FAM107B: variants seen among roughly 807,000 people sequenced by gnomAD.
FAM107B encodes the protein family with sequence similarity 107 member B.
Under a neutral mutation model 31.5 loss-of-function variants are expected in FAM107B, and 21 were observed. That is an observed-to-expected ratio of 0.67 (90% CI 0.47 to 0.96). The LOEUF (loss-of-function observed/expected upper bound fraction) is 0.96, where lower values mean the gene tolerates loss of function less well. Among genes scored for constraint, FAM107B ranks in the 40% least tolerant of loss-of-function variants. The probability of loss-of-function intolerance (pLI) is 0.00; values close to 1 mark genes in which losing one functional copy is unlikely to be tolerated. For missense variants in FAM107B, 452 were observed against 377.1 expected (o/e 1.20, Z -1.64); for synonymous variants, 157 against 141.5 (o/e 1.11, Z -0.78).
chr10:14,561,661 AT>A (rs1351833614), intron 2 of FAM107B, among the ~76,000 whole-genome samples: 8 of 152,360 alleles, frequency 5.3e-5, no homozygotes, highest in Middle Eastern at 3.4e-3. Flanking sequence ...AACACTCCTC[AT>A]TCCTTATTTA....
At chr10:14,619,294 A>G (rs1852934739) in intron 2 of FAM107B, among the ~76,000 whole-genome samples, 1 of 152,228 alleles carries the variant, frequency 6.6e-6, no homozygotes, top group East Asian at 1.9e-4. Flanking sequence ...CAAAGTGCCC[A>G]TATTGACGTT....
chr10:14,691,673 C>G (rs1464135876), intron 1 of FAM107B, among the ~76,000 whole-genome samples: 1 of 152,074 alleles, frequency 6.6e-6, no homozygotes, highest in Non-Finnish European at 1.5e-5. Context: ...GCGGTTGGAT[C>G]ACTTGAGGTC....
chr10:14,665,562 T>C (rs1013245024), intron 2 of FAM107B, among the ~76,000 whole-genome samples: 1 of 152,346 alleles, frequency 6.6e-6, no homozygotes, highest in South Asian at 2.1e-4. Context: ...TGAATTTGCA[T>C]TGATGCAGCA....
rs985180810 is a variant in FAM107B, at chr10:14,772,034, T to C, written c.411+2219A>G. On this transcript the variant is annotated intron_variant, in intron 1 of 4. Transcript: ENST00000181796. ...ATGTCTTACCCTCTTTAAGCATCCA[T>C]GCCCTCCTCTGTAACATGGGCACCA... 3.9e-5 allele frequency among the ~76,000 whole-genome samples: 6 copies of C among 152,296 alleles called. No individual in the cohort carries two copies. In the East Asian group the frequency reaches 7.7e-4, roughly 20 times the overall value.
At chr10:14,665,020 G>T (rs554539922) in intron 2 of FAM107B, among the ~76,000 whole-genome samples, 1 of 152,104 alleles carries the variant, frequency 6.6e-6, no homozygotes, top group Non-Finnish European at 1.5e-5. Context: ...CAAAGTCTGC[G>T]GACCCAAGCA....
intron 2 of FAM107B, among the ~76,000 whole-genome samples, chr10:14,627,241 T>C (rs1853188734): frequency 6.6e-6 from 1 of 152,226 alleles, no homozygotes; most frequent in African/African-American, 2.4e-5. Context: ...CTTAAAGTAT[T>C]GCAATCTGAT....
intron 2 of FAM107B, among the ~76,000 whole-genome samples, chr10:14,618,026 A>G (rs181152763): frequency 7.5e-4 from 115 of 152,318 alleles, no homozygotes; most frequent in African/African-American, 2.4e-3. Flanking sequence ...CACAATTATC[A>G]TAGGGAATAT....
intron 1 of FAM107B, among the ~76,000 whole-genome samples, chr10:14,739,228 G>C (rs1251080413): frequency 1.3e-5 from 2 of 152,226 alleles, no homozygotes; most frequent in Non-Finnish European, 2.9e-5. Flanking sequence ...AGGAGAAGCA[G>C]CCTCCATCGC....
At chr10:14,662,745 C>G (rs2131466724) in intron 2 of FAM107B, among the ~76,000 whole-genome samples, 1 of 152,202 alleles carries the variant, frequency 6.6e-6, no homozygotes, top group East Asian at 1.9e-4. Flanking sequence ...GAGTGCATGC[C>G]CTTCTGATGA....
Position 14,521,298 on chromosome 10 carries a change from A to T in FAM107B, c.813T>A (p.Leu271=), listed in dbSNP as rs374866652. Residue 271 remains leucine, a synonymous_variant, in exon 5 of 5, where the codon CTT becomes CTA. Coordinates refer to ENST00000181796, the MANE Select transcript of FAM107B (RefSeq NM_031453.4). Reference sequence around the variant, plus strand: ...GCTCTTCTTGCAATTTCTGCTTCTCAAGTTCAAGCTAAATGACATTCAGAA... The same window carrying T: ...GCTCTTCTTGCAATTTCTGCTTCTCTAGTTCAAGCTAAATGACATTCAGAA... The part of the protein sequence containing the change: ...KRQQKLEQLE[L]EKQKLQEEQE... The T allele has an allele frequency of 6.8e-6, 11 of 1,613,846 alleles. No homozygotes were observed. The African/African-American group carries it at 1.1e-4, about 16-fold the overall frequency.
rs1485447567 is a variant in FAM107B, at chr10:14,681,526, G to GA, written c.412-13836dup. Among the ~76,000 whole-genome samples, 12 of 152,274 alleles carry GA rather than the reference G, an allele frequency of 7.9e-5. No individual in the cohort carries two copies. In the South Asian group the frequency reaches 1.0e-3, roughly 13 times the overall value. On this transcript the variant is annotated intron_variant, in intron 1 of 4. Transcript: ENST00000181796. ...CTACATCCATATACAGGGTTTCAGA[G>GA]AAATACTGACTGTTCCATCTTGGGT...
chr10:14,526,378 G>A lies in FAM107B; in HGVS notation c.653+3954C>T, dbSNP rs113170788. On this transcript the variant is annotated intron_variant, in intron 3 of 4. Coordinates refer to ENST00000181796, the MANE Select transcript of FAM107B (RefSeq NM_031453.4). ...TTTAGTAGAGATGGGGTTGCGCCAT[G>A]TTGGCCAGGCTGCTCTCAAACTCCT... 2.1e-3 allele frequency among the ~76,000 whole-genome samples: 316 copies of A among 152,310 alleles called. 2 individuals are homozygous for A. The highest frequency in any genetic ancestry group is 7.1e-3 in the African/African-American group (295 of 41,574).
intron 1 of FAM107B, among the ~76,000 whole-genome samples, chr10:14,761,786 G>C (rs112984133): frequency 9.9e-5 from 15 of 151,754 alleles, no homozygotes; most frequent in Non-Finnish European, 1.8e-4. Flanking sequence ...TTAGTAGAGG[G>C]GGGGGTTTCA....
At chr10:14,677,432 T>C (rs1241758472) in intron 1 of FAM107B, among the ~76,000 whole-genome samples, 3 of 152,030 alleles carry the variant, frequency 2.0e-5, no homozygotes, top group Non-Finnish European at 4.4e-5. Flanking sequence ...CCATCCTGGC[T>C]AACACACTGA....
intron 1 of FAM107B, chr10:14,723,331 C>A: frequency 1.8e-6 from 1 of 543,554 alleles, no homozygotes; most frequent in East Asian, 4.8e-5. Context: ...CAACCTCAGG[C>A]TAAGTAGCAG....
intron 1 of FAM107B, among the ~76,000 whole-genome samples, chr10:14,675,521 A>T (rs1376908251): frequency 6.6e-6 from 1 of 152,106 alleles, no homozygotes; most frequent in East Asian, 1.9e-4. Flanking sequence ...CAAGCCTATG[A>T]CCGATTAATG....
At chr10:14,576,758 C>A (rs1042301845) in intron 2 of FAM107B, among the ~76,000 whole-genome samples, 4 of 152,008 alleles carry the variant, frequency 2.6e-5, no homozygotes, top group African/African-American at 9.7e-5. Context: ...CTACTTACTA[C>A]AAAATGAAAG....
At position 14,774,842 on chromosome 10, in the gene FAM107B, C is replaced by T. The variant is rs987361795; in HGVS notation, c.-179G>A. ...CCACCTTCCCTGAGAGTCACTTAGC[C>T]GCTGGGGCCCCTTTGAAAGTGTCCA... On this transcript the variant is annotated 5_prime_UTR_variant, in exon 1 of 5. Coordinates refer to ENST00000181796, the MANE Select transcript of FAM107B (RefSeq NM_031453.4). 3 of 680,738 alleles carry T rather than the reference C, an allele frequency of 4.4e-6. No individual in the cohort carries two copies. Among genetic ancestry groups the T allele is most frequent in the Admixed American group, 3.0e-5 (1 of 33,066 alleles). The allele number at this position is 680,738 out of a possible 1,614,324, so 42.2% of individuals were successfully genotyped here.
intron 1 of FAM107B, among the ~76,000 whole-genome samples, chr10:14,752,505 A>G (rs1201704516): frequency 6.6e-6 from 1 of 152,242 alleles, no homozygotes; most frequent in African/African-American, 2.4e-5. Flanking sequence ...GTGAATAAGA[A>G]GAGTTTTAGT....
Sources: gnomAD v4.1 joint callset for allele counts (sites outside exome capture counted in the v4.1 genomes callset) on GRCh38, gnomAD v4.1.1 for gene constraint, MANE v1.5 for transcripts, NCBI Gene and HGNC (gene_info 2026-07-23, HGNC 2026-07-21) for gene names.